The following COL4A2 variants were observed in gnomAD, a reference collection of about 807,000 sequenced individuals.
COL4A2 encodes collagen type IV alpha 2 chain, also known as collagen alpha-2(IV) chain.
A neutral mutation model predicts 200.2 loss-of-function variants in COL4A2; 99 were observed. The observed-to-expected ratio is 0.49, with a 90% CI of 0.42 to 0.58. COL4A2 has a LOEUF of 0.58. COL4A2 is among the 20% of genes least tolerant of loss of function. The probability of loss-of-function intolerance (pLI) is 0.00; values close to 1 mark genes in which losing one functional copy is unlikely to be tolerated. For synonymous variants in COL4A2, 897 were observed against 900.6 expected, an observed-to-expected ratio of 1.00 and a Z score of 0.07; for missense variants, 1,950 against 2,314.1, an observed-to-expected ratio of 0.84 and a Z score of 3.23.
intron 4 of COL4A2, among the ~76,000 whole-genome samples, chr13:110,405,584 T>C (rs780897787): frequency 3.3e-4 from 50 of 152,234 alleles, no homozygotes; most frequent in Non-Finnish European, 7.2e-4. Flanking sequence ...AGGACATGAA[T>C]GGCCCCGCAG....
chr13:110,421,997 C>T (rs1258884528), intron 4 of COL4A2, among the ~76,000 whole-genome samples: 6 of 152,168 alleles, frequency 3.9e-5, no homozygotes, highest in Admixed American at 3.9e-4. Flanking sequence ...TTTGAGTTGA[C>T]TGTATGAAAT....
At chr13:110,373,568 A>G (rs1878108360) in intron 4 of COL4A2, among the ~76,000 whole-genome samples, 2 of 152,214 alleles carry the variant, frequency 1.3e-5, no homozygotes, top group Admixed American at 6.5e-5. Context: ...TCCTGTCCTC[A>G]TGTGTGGCTT....
chr13:110,352,513 G>A (rs1877007569), intron 3 of COL4A2, among the ~76,000 whole-genome samples: 1 of 152,242 alleles, frequency 6.6e-6, no homozygotes, highest in African/African-American at 2.4e-5. Context: ...GCCCAGCACA[G>A]TGCATGGCTC....
At chr13:110,498,162 T>C (rs909620378) in intron 40 of COL4A2, among the ~76,000 whole-genome samples, 1 of 152,260 alleles carries the variant, frequency 6.6e-6, no homozygotes, top group Admixed American at 6.5e-5. Context: ...TGGTATTGAA[T>C]GTCTCTGGCT....
chr13:110,395,090 G>A (rs1879139891), intron 4 of COL4A2, among the ~76,000 whole-genome samples: 1 of 152,174 alleles, frequency 6.6e-6, no homozygotes, highest in African/African-American at 2.4e-5. Flanking sequence ...TGGCCCTAGT[G>A]CCCAGAGGTC....
At chr13:110,446,701 A>G (rs1404525276) in intron 17 of COL4A2, 97 bp from the exon 18 acceptor site, 2 of 1,009,718 alleles carry the variant, frequency 2.0e-6, no homozygotes, top group Non-Finnish European at 3.0e-6. Flanking sequence ...TGCCAGCCTG[A>G]CGGTCCACGC....
In COL4A2 at chr13:110,508,814, TCAGCTTTGGC is replaced by T. The variant is rs1883975929; in HGVS notation, c.4881+597_4881+606del. 6.6e-6 allele frequency among the ~76,000 whole-genome samples: 1 copy of T among 152,112 alleles called. No individual in the cohort carries two copies. Among genetic ancestry groups the T allele is most frequent in the African/African-American group, 2.4e-5 (1 of 41,412 alleles). On this transcript the variant is annotated intron_variant, in intron 47 of 47. Transcript: ENST00000360467. This position sits in a 1 kb window ranked among gnomAD's most constrained non-coding sequence, Gnocchi z 6.1. The stretch of plus-strand genomic sequence containing the variant: ...CCTTTGGGTATAAAATAGAGAACCC[TCAGCTTTGGC>T]CAGATTAGGTTTAGCTTAACCTCCA...
rs75266520 is a variant in COL4A2 at position 110,338,247 on chromosome 13, A to G, written c.100-19225A>G. Among the ~76,000 whole-genome samples, 70 of 152,338 alleles carry G rather than the reference A, an allele frequency of 4.6e-4. No homozygotes were observed. The East Asian group carries it at 0.013, about 27-fold the overall frequency. ...AGAAGGGAATAGTCTGTTAAGGCTG[A>G]GCAGTTACTGCATATGAAGGCTCCA... On this transcript the variant is annotated intron_variant, in intron 3 of 47. Coordinates refer to ENST00000360467, the MANE Select transcript of COL4A2 (RefSeq NM_001846.4).
chr13:110,383,606 C>CTTTTTTTTTTTTTTTT (rs67906394), intron 4 of COL4A2, among the ~76,000 whole-genome samples: 1 of 65,328 alleles, frequency 1.5e-5, no homozygotes, highest in African/African-American at 6.0e-5. Context: ...CAGCCCTTTT[C>CTTTTTTTTTTTTTTTT]TTTTTTTTTT....
chr13:110,429,623 T>C (rs1880599090), intron 7 of COL4A2, among the ~76,000 whole-genome samples: 1 of 152,200 alleles, frequency 6.6e-6, no homozygotes. Flanking sequence ...GAGCATTCAT[T>C]TGGGTTTTGA....
chr13:110,485,343 G>A (rs1268063129), intron 33 of COL4A2, among the ~76,000 whole-genome samples: 1 of 152,096 alleles, frequency 6.6e-6, no homozygotes, highest in Non-Finnish European at 1.5e-5. Context: ...CTAACACGGT[G>A]AAACCCCGTC....
chr13:110,426,694 G>T (rs1880482192), intron 6 of COL4A2, among the ~76,000 whole-genome samples: 1 of 151,840 alleles, frequency 6.6e-6, no homozygotes, highest in Non-Finnish European at 1.5e-5. Flanking sequence ...TTCAGACTCA[G>T]ATTAGATTGA....
intron 29 of COL4A2, chr13:110,473,728 C>G (rs996689424): frequency 6.6e-6 from 1 of 152,140 alleles, no homozygotes; most frequent in Non-Finnish European, 1.5e-5. Flanking sequence ...ACCCGAGCCC[C>G]GAGCTTTAAT....
chr13:110,401,456 TTATA>T (rs1566513216), intron 4 of COL4A2, among the ~76,000 whole-genome samples: 1 of 152,224 alleles, frequency 6.6e-6, no homozygotes, highest in East Asian at 1.9e-4. Context: ...GGAGCTCTGT[TTATA>T]TGTTTGCCTA....
At chr13:110,446,744 CA>C in intron 17 of COL4A2, 53 bp from the exon 18 acceptor site, 2 of 1,511,338 alleles carry the variant, frequency 1.3e-6, no homozygotes, top group South Asian at 1.1e-5. Context: ...TGTGTACTGT[CA>C]AAAACTCCAA....
At chr13:110,448,741 A>G (rs1195819905) in intron 18 of COL4A2, among the ~76,000 whole-genome samples, 2 of 152,188 alleles carry the variant, frequency 1.3e-5, no homozygotes, top group South Asian at 2.1e-4. Context: ...ACAGGAGTGT[A>G]GGTCACACTG....
intron 4 of COL4A2, among the ~76,000 whole-genome samples, chr13:110,360,862 G>T (rs1224980146): frequency 1.3e-5 from 2 of 152,040 alleles, no homozygotes; most frequent in East Asian, 3.9e-4. Context: ...AAATCTGGCT[G>T]TACCTGTACC....
intron 4 of COL4A2, among the ~76,000 whole-genome samples, chr13:110,401,740 A>T (rs535354446): frequency 6.6e-6 from 1 of 152,210 alleles, no homozygotes; most frequent in South Asian, 2.1e-4. Context: ...TAACAAAAAT[A>T]CCTTAGGCTG....
intron 32 of COL4A2, 28 bp from the exon 33 acceptor site, chr13:110,484,877 A>G: frequency 6.3e-7 from 1 of 1,578,460 alleles, no homozygotes; most frequent in Non-Finnish European, 8.6e-7. Flanking sequence ...GAGCCCCCAG[A>G]AAATGACAGC....
Sources: gnomAD v4.1 joint callset for allele counts (sites outside exome capture counted in the v4.1 genomes callset) on GRCh38, gnomAD v4.1.1 for gene constraint, Gnocchi (gnomAD v3.1) non-coding constraint, MANE v1.5 for transcripts, NCBI Gene and HGNC (gene_info 2026-07-23, HGNC 2026-07-21) for gene names.